MALRD1: variants seen among roughly 807,000 people sequenced by gnomAD.
The protein encoded by MALRD1 is MAM and LDL-receptor class A domain-containing protein 1.
MALRD1 carries 247 observed loss-of-function variants against 242.1 expected under a neutral mutation model. The ratio of observed to expected loss-of-function variants is 1.02; its 90% CI spans 0.92 to 1.13. The LOEUF (loss-of-function observed/expected upper bound fraction) is 1.13. Ranked by LOEUF, MALRD1 falls within the 50% of genes most tolerant of loss-of-function variation. The probability of loss-of-function intolerance (pLI) is 0.00; values close to 1 mark genes in which losing one functional copy is unlikely to be tolerated. For synonymous variants in MALRD1, 995 were observed against 866.6 expected (o/e 1.15, Z -2.60); for missense variants, 2,989 against 2,533.1 (o/e 1.18, Z -3.86).
At chr10:19,339,024 G>A (rs752368145) in intron 24 of MALRD1, among the ~76,000 whole-genome samples, 24 of 149,826 alleles carry the variant, frequency 1.6e-4, no homozygotes, top group Middle Eastern at 6.9e-3. Flanking sequence ...CTATTAGCAC[G>A]TCAGGGTGAC....
chr10:19,719,219 C>CATATATATATAT (rs1290415118), intron 38 of MALRD1, among the ~76,000 whole-genome samples: 8 of 30,338 alleles, frequency 2.6e-4, no homozygotes, highest in Admixed American at 1.2e-3. Flanking sequence ...TATACACATA[C>CATATATATATAT]ATACATATAT....
At chr10:19,329,010 G>A (rs1188204014) in intron 23 of MALRD1, among the ~76,000 whole-genome samples, 1 of 152,094 alleles carries the variant, frequency 6.6e-6, no homozygotes, top group Non-Finnish European at 1.5e-5. Context: ...TAGTAAAATC[G>A]TGTTTGAAGT....
intron 18 of MALRD1, among the ~76,000 whole-genome samples, chr10:19,221,540 A>G (rs930903628): frequency 1.3e-5 from 2 of 152,088 alleles, no homozygotes; most frequent in African/African-American, 4.8e-5. Flanking sequence ...TTATTATGTC[A>G]CCTGTTCGTC....
chr10:19,194,886 A>G (rs1175250780), intron 14 of MALRD1, among the ~76,000 whole-genome samples: 1 of 152,138 alleles, frequency 6.6e-6, no homozygotes, highest in Admixed American at 6.6e-5. Context: ...ATCCTGATTT[A>G]TACAGTAGTC....
intron 2 of MALRD1, among the ~76,000 whole-genome samples, chr10:19,072,093 T>C (rs919696845): frequency 2.6e-5 from 4 of 152,178 alleles, no homozygotes; most frequent in Non-Finnish European, 5.9e-5. Flanking sequence ...CATTTTCTTA[T>C]CTGCACGTAC....
At position 19,348,033 on chromosome 10, in the gene MALRD1, GAACC is replaced by G; in HGVS notation, c.4149+26_4149+29del. On this transcript the variant is annotated intron_variant, in intron 25 of 39. Transcript: ENST00000454679. The stretch of plus-strand genomic sequence containing the variant: ...AAAACTGCAAGGTATGGGGAAAATC[GAACC>G]AACCAACCAAACAAACACAGAATTA... 1 of 1,545,860 alleles carries G rather than the reference GAACC, an allele frequency of 6.5e-7. No individual in the cohort carries two copies. Among genetic ancestry groups the G allele is most frequent in the Non-Finnish European group, 8.7e-7 (1 of 1,144,408 alleles).
At chr10:19,218,505 A>C (rs1837424840) in intron 18 of MALRD1, among the ~76,000 whole-genome samples, 1 of 152,144 alleles carries the variant, frequency 6.6e-6, no homozygotes, top group African/African-American at 2.4e-5. Context: ...GTTAATATTT[A>C]TGTGGTTAAT....
chr10:19,622,792 G>T (rs1013043504), intron 36 of MALRD1, among the ~76,000 whole-genome samples: 3 of 151,750 alleles, frequency 2.0e-5, no homozygotes, highest in African/African-American at 4.8e-5. Context: ...TATTATACAG[G>T]CATCTGAATA....
intron 19 of MALRD1, among the ~76,000 whole-genome samples, chr10:19,277,252 T>C (rs1840575623): frequency 6.6e-6 from 1 of 152,170 alleles, no homozygotes; most frequent in Non-Finnish European, 1.5e-5. Flanking sequence ...CCCTAAAAAC[T>C]GACTCCTCTT....
chr10:19,200,661 T>TTTTTTTTTGTTTTTG (rs1554809473), intron 14 of MALRD1, among the ~76,000 whole-genome samples: 11 of 147,034 alleles, frequency 7.5e-5, no homozygotes, highest in African/African-American at 2.8e-4. Context: ...TTTTTTTTTT[T>TTTTTTTTTGTTTTTG]TTTTTTTTTT....
chr10:19,356,212 ATCTT>A, intron 26 of MALRD1, among the ~76,000 whole-genome samples: 1 of 151,922 alleles, frequency 6.6e-6, no homozygotes, highest in Non-Finnish European at 1.5e-5. Context: ...GTTACAGAAC[ATCTT>A]TCTTGGAGAG....
chr10:19,223,776 C>A (rs555690329), intron 18 of MALRD1, among the ~76,000 whole-genome samples: 9 of 152,224 alleles, frequency 5.9e-5, no homozygotes, highest in African/African-American at 1.7e-4. Flanking sequence ...TCAACTCCCA[C>A]TTATGAGTGA....
chr10:19,496,716 G>A (rs1837736382), intron 30 of MALRD1, among the ~76,000 whole-genome samples: 1 of 152,096 alleles, frequency 6.6e-6, no homozygotes, highest in Non-Finnish European at 1.5e-5. Flanking sequence ...GATGACTAAG[G>A]CCAATACAGA....
At position 19,388,881 on chromosome 10, in the gene MALRD1, G is replaced by GAAA. The variant is rs11405183; in HGVS notation, c.4688-555_4688-553dup. On this transcript the variant is annotated intron_variant, in intron 27 of 39. Transcript: ENST00000454679. ...AATATTGAAATTCCATAGGTCTACT[G>GAAA]AAAAAAAAAAAAAAAAAAGAAAAAC... 9.3e-4 allele frequency among the ~76,000 whole-genome samples: 108 copies of GAAA among 116,568 alleles called. 5 individuals carry two copies. The highest frequency in any genetic ancestry group is 1.0e-3 in the Non-Finnish European group (61 of 58,852). The allele number at this position is 116,568 out of a possible 152,430, so 76.5% of individuals were successfully genotyped here.
At chr10:19,055,582 C>G (rs1834639318) in intron 1 of MALRD1, among the ~76,000 whole-genome samples, 1 of 152,134 alleles carries the variant, frequency 6.6e-6, no homozygotes, top group African/African-American at 2.4e-5. Flanking sequence ...GATTATTTTA[C>G]ATGGTGTGAT....
At chr10:19,439,371 A>G (rs1027999890) in intron 28 of MALRD1, among the ~76,000 whole-genome samples, 37 of 152,156 alleles carry the variant, frequency 2.4e-4, no homozygotes, top group African/African-American at 8.7e-4. Context: ...TCTCTGCACA[A>G]AAATAAATTT....
chr10:19,410,642 C>T (rs1472326984), intron 28 of MALRD1, among the ~76,000 whole-genome samples: 1 of 150,744 alleles, frequency 6.6e-6, no homozygotes. Flanking sequence ...CCCTCCCTCC[C>T]CTCCTCCCCT....
At chr10:19,237,225 A>C (rs990272110) in intron 18 of MALRD1, among the ~76,000 whole-genome samples, 1 of 151,668 alleles carries the variant, frequency 6.6e-6, no homozygotes, top group Non-Finnish European at 1.5e-5. Context: ...AAAGAACACT[A>C]AAACTTATTC....
chr10:19,299,304 A>G (rs2131950403), intron 21 of MALRD1, among the ~76,000 whole-genome samples: 1 of 152,036 alleles, frequency 6.6e-6, no homozygotes, highest in Admixed American at 6.6e-5. Context: ...AACTGGCAAA[A>G]GCTATCAAAT....
Sources: allele counts gnomAD v4.1 joint callset (sites outside exome capture counted in the v4.1 genomes callset), GRCh38; gene constraint gnomAD v4.1.1; transcripts MANE v1.5; gene names NCBI Gene and HGNC (gene_info 2026-07-23, HGNC 2026-07-21).